The following C16orf89 variants were observed in gnomAD, a reference collection of about 807,000 sequenced individuals.
C16orf89 encodes the protein UPF0764 protein C16orf89.
Under a neutral mutation model 41.5 loss-of-function variants are expected in C16orf89, and 57 were observed. The ratio of observed to expected loss-of-function variants is 1.38; its 90% CI spans 1.11 to 1.71. The LOEUF is 1.71. Ranked by LOEUF, C16orf89 falls within the 40% of genes most tolerant of loss-of-function variation. The pLI is 0.00. For synonymous variants in C16orf89, 223 were observed against 190.6 expected (o/e 1.17, Z -1.40); for missense variants, 575 against 445.9 (o/e 1.29, Z -2.61).
Position 5,047,903 on chromosome 16 carries a change from C to G in C16orf89, c.930G>C (p.Val310=). The G allele has an allele frequency of 6.2e-7, 1 of 1,600,784 alleles. No individual in the cohort carries two copies. Among genetic ancestry groups the G allele is most frequent in the Non-Finnish European group, 8.6e-7 (1 of 1,168,854 alleles). Residue 310 remains valine (V), a synonymous_variant, in exon 7 of 8, where the codon GTG becomes GTC. Coordinates refer to ENST00000472572, the MANE Select transcript of C16orf89 (RefSeq NM_001098514.3). Reference sequence around the variant, plus strand: ...CTGGAAATTGTTTTTCTCGCCTCTTCACTCTCCTCGAAAAATGCTGCTGAT... The same window carrying G: ...CTGGAAATTGTTTTTCTCGCCTCTTGACTCTCCTCGAAAAATGCTGCTGAT... The part of the protein sequence containing the change: ...IQYQQHFSRR[V]KRREKQFPDG...
intron 6 of C16orf89, among the ~76,000 whole-genome samples, chr16:5,052,161 A>C (rs1305139914): frequency 6.6e-6 from 1 of 152,016 alleles, no homozygotes; most frequent in African/African-American, 2.4e-5. Context: ...AGCTGCATAG[A>C]CATCTCTCAA....
rs1010613119 is a variant in C16orf89 at position 5,060,447 on chromosome 16, G to C, written c.359-11C>G. 1.9e-6 allele frequency: 3 copies of C among 1,609,358 alleles called. No homozygotes were observed. The highest frequency in any genetic ancestry group is 2.5e-6 in the Non-Finnish European group (3 of 1,177,620). On this transcript the variant is annotated splice_polypyrimidine_tract_variant and intron_variant, in intron 2 of 7. Transcript: ENST00000472572. ...GGGTCAGCTGGAACTCTGGCAGAGAGGACAGATAGATGGGGTGGGGTGTGG... is the reference window on the plus strand; with the variant it reads ...GGGTCAGCTGGAACTCTGGCAGAGACGACAGATAGATGGGGTGGGGTGTGG...
At chr16:5,064,620 C>T (rs1164182815) in intron 1 of C16orf89, among the ~76,000 whole-genome samples, 1 of 152,218 alleles carries the variant, frequency 6.6e-6, no homozygotes, top group Non-Finnish European at 1.5e-5. Context: ...TAGGCACTGG[C>T]ACTGCCTTTG....
intron 5 of C16orf89, chr16:5,055,719 G>A: frequency 1.3e-6 from 2 of 1,535,570 alleles, no homozygotes; most frequent in Non-Finnish European, 1.7e-6. Flanking sequence ...CGTCACTGGG[G>A]CAGCCTTTGG....
intron 6 of C16orf89, among the ~76,000 whole-genome samples, chr16:5,048,939 A>G (rs1272505157): frequency 1.3e-5 from 2 of 152,218 alleles, no homozygotes; most frequent in African/African-American, 4.8e-5. Context: ...AATGAATGAA[A>G]AAAAACGACC....
rs1956553718 is a variant in C16orf89, at chr16:5,058,492, C to T, written c.627+1G>A. On this transcript the variant is annotated splice_donor_variant, in intron 4 of 7. Transcript: ENST00000472572. LOFTEE classifies it high-confidence loss of function. ...ACGGCGGGGGCTCCCTGGGCACTCA[C>T]CATTCTGGCCCAGAGGAAGAAGAGC... 1.2e-6 allele frequency: 2 copies of T among 1,600,628 alleles called. No homozygotes were observed. Among genetic ancestry groups the T allele is most frequent in the South Asian group, 2.2e-5 (2 of 90,750 alleles).
At chr16:5,065,420 A>T (rs930984523) in intron 1 of C16orf89, among the ~76,000 whole-genome samples, 16 of 152,154 alleles carry the variant, frequency 1.1e-4, no homozygotes, top group African/African-American at 3.9e-4. Context: ...CGTTGTGAGG[A>T]GGGGCTGTCA....
At chr16:5,057,458 AATAT>A (rs1251679601) in intron 4 of C16orf89, among the ~76,000 whole-genome samples, 1 of 148,212 alleles carries the variant, frequency 6.7e-6, no homozygotes, top group Non-Finnish European at 1.5e-5. Flanking sequence ...AAAGAAAAGA[AATAT>A]ATATACTGGT....
intron 6 of C16orf89, among the ~76,000 whole-genome samples, chr16:5,048,767 C>A (rs78458060): frequency 6.6e-6 from 1 of 151,930 alleles, no homozygotes; most frequent in East Asian, 1.9e-4. Context: ...AAAGCCCAAA[C>A]AGCAGTGATA....
At chr16:5,063,254 A>C (rs1956665065) in intron 1 of C16orf89, among the ~76,000 whole-genome samples, 1 of 152,170 alleles carries the variant, frequency 6.6e-6, no homozygotes, top group Non-Finnish European at 1.5e-5. Context: ...AGGATGGGCT[A>C]GGTTAAGAAG....
chr16:5,048,165 A>T (rs116220716), intron 6 of C16orf89, among the ~76,000 whole-genome samples: 1,655 of 152,214 alleles, frequency 0.011, 22 homozygotes, highest in African/African-American at 0.037. Context: ...AGTAGCTCGG[A>T]CTACAGGCAT....
At chr16:5,049,054 G>A (rs886590887) in intron 6 of C16orf89, among the ~76,000 whole-genome samples, 1 of 152,168 alleles carries the variant, frequency 6.6e-6, no homozygotes, top group Non-Finnish European at 1.5e-5. Context: ...AAACCAGAAG[G>A]AAGAAGGAGT....
At chr16:5,046,885 G>A (rs1462183623) in intron 7 of C16orf89, among the ~76,000 whole-genome samples, 1 of 152,110 alleles carries the variant, frequency 6.6e-6, no homozygotes, top group African/African-American at 2.4e-5. Context: ...GAGGAAAGAG[G>A]GCACTATTCA....
chr16:5,048,036 C>G, intron 6 of C16orf89, 72 bp from the exon 7 acceptor site: 1 of 848,012 alleles, frequency 1.2e-6, no homozygotes, highest in Non-Finnish European at 1.9e-6. Context: ...CTTTTTACTG[C>G]TTTTATTGTA....
intron 2 of C16orf89, among the ~76,000 whole-genome samples, chr16:5,061,364 C>A (rs1379728674): frequency 7.5e-6 from 1 of 133,922 alleles, no homozygotes; most frequent in Non-Finnish European, 1.5e-5. Context: ...ACCCAGGTTG[C>A]AGAGGTTGCA....
chr16:5,054,990 A>G (rs543919082), intron 6 of C16orf89, among the ~76,000 whole-genome samples: 22 of 152,192 alleles, frequency 1.4e-4, no homozygotes, highest in Admixed American at 7.2e-4. Context: ...ACAGTACAAT[A>G]CAAATGGGCT....
In C16orf89 at chr16:5,065,883, A is replaced by G; in HGVS notation, c.26T>C (p.Leu9Pro). ...CGGTGGCAGTGCTGTCAGTAAGAGCAGGAGCAGCAGCCCCAGGCTGGCCAT... is the reference window on the plus strand; with the variant it reads ...CGGTGGCAGTGCTGTCAGTAAGAGCGGGAGCAGCAGCCCCAGGCTGGCCAT... MASLGLLL[L>P]LLLTALPPLW... is the part of the protein sequence containing the mutation. The change falls in exon 1 of 8, where the codon CTG becomes CCG. Residue 9 changes from leucine to proline, a missense_variant. Transcript: ENST00000472572. 6.2e-7 allele frequency: 1 copy of G among 1,614,088 alleles called. No homozygotes were observed. Among genetic ancestry groups the G allele is most frequent in the Non-Finnish European group, 8.5e-7 (1 of 1,179,998 alleles).
chr16:5,049,955 AAG>A (rs1434107859), intron 6 of C16orf89, among the ~76,000 whole-genome samples: 1 of 152,182 alleles, frequency 6.6e-6, no homozygotes, highest in Non-Finnish European at 1.5e-5. Context: ...TAACTAGACT[AAG>A]AAAAAAAGAG....
chr16:5,044,196 A>C lies in C16orf89; in HGVS notation c.*152T>G. The C allele has an allele frequency of 7.2e-7, 1 of 1,398,364 alleles. No homozygotes were observed. The allele number at this position is 1,398,364 out of a possible 1,614,324, so 86.6% of individuals were successfully genotyped here. The stretch of plus-strand genomic sequence containing the variant: ...GCCCCCACCTACCCTGGCCTTGCCT[A>C]CTCAGGGCTTCCAAGATTGGGTGTC... On this transcript the variant is annotated 3_prime_UTR_variant, in exon 8 of 8. Coordinates refer to ENST00000472572, the MANE Select transcript of C16orf89 (RefSeq NM_001098514.3).
Sources: gnomAD v4.1 joint callset for allele counts (sites outside exome capture counted in the v4.1 genomes callset) on GRCh38, gnomAD v4.1.1 for gene constraint, MANE v1.5 for transcripts, NCBI Gene and HGNC (gene_info 2026-07-23, HGNC 2026-07-21) for gene names.